Variants in KIF26B observed in about 807,000 individuals in gnomAD.
KIF26B encodes the protein kinesin family member 26B.
A neutral mutation model predicts 151.2 loss-of-function variants in KIF26B; 63 were observed. That is an observed-to-expected ratio of 0.42 (90% CI 0.34 to 0.51). KIF26B has a LOEUF of 0.51. Among genes scored for constraint, KIF26B ranks in the 20% least tolerant of loss-of-function variants. The pLI is 0.07. For missense variants in KIF26B, 2,813 were observed against 2,913.6 expected, an observed-to-expected ratio of 0.97 and a Z score of 0.79; for synonymous variants, 1,357 against 1,262.1, an observed-to-expected ratio of 1.08 and a Z score of -1.59.
At chr1:245,492,535 A>C (rs1660429382) in intron 4 of KIF26B, among the ~76,000 whole-genome samples, 1 of 152,228 alleles carries the variant, frequency 6.6e-6, no homozygotes, top group South Asian at 2.1e-4. Flanking sequence ...ACAGTAGTTC[A>C]CATGATATTT....
rs371372720 is a variant in KIF26B at position 245,609,378 on chromosome 1, C to A, written c.1764C>A (p.Gly588=). 5 of 1,609,556 alleles carry A rather than the reference C, an allele frequency of 3.1e-6. No homozygotes were observed. Among genetic ancestry groups the A allele is most frequent in the African/African-American group, 1.3e-5 (1 of 74,864 alleles). Residue 588 remains glycine, a synonymous_variant, in exon 8 of 15, where the codon GGC becomes GGA. Coordinates refer to ENST00000407071, the MANE Select transcript of KIF26B (RefSeq NM_018012.4). ...KLINERKEKT[G]ARFSVRVSAV... ...TAAACGAACGCAAGGAAAAGACCGG[C>A]GCCCGTTTCTCAGTCCGGGTTTCCG...
At chr1:245,387,474 T>G (rs2103020335) in intron 3 of KIF26B, among the ~76,000 whole-genome samples, 1 of 152,278 alleles carries the variant, frequency 6.6e-6, no homozygotes, top group South Asian at 2.1e-4. Context: ...CCAATCTAAC[T>G]CTTGATTCCT....
chr1:245,157,537 G>T (rs1322472338), intron 2 of KIF26B, among the ~76,000 whole-genome samples: 1 of 152,202 alleles, frequency 6.6e-6, no homozygotes, highest in Non-Finnish European at 1.5e-5. Context: ...CTGTGATTTC[G>T]AGTAGGCGTT....
In KIF26B at chr1:245,560,370, G is replaced by A. The variant is rs1437953011; in HGVS notation, c.1350+19420G>A. On this transcript the variant is annotated intron_variant, in intron 5 of 14. Coordinates refer to ENST00000407071, the MANE Select transcript of KIF26B (RefSeq NM_018012.4). This position sits in a 1 kb window ranked among gnomAD's most constrained non-coding sequence, Gnocchi z 4.3. ...AGAGACTTGTTGAGCTATGCGTGGA[G>A]TGCTGCCTGACAGCTTGCTATTTTC... is the stretch of plus-strand genomic sequence containing the variant. 6.6e-6 allele frequency among the ~76,000 whole-genome samples: 1 copy of A among 152,112 alleles called. No homozygotes were observed. Among genetic ancestry groups the A allele is most frequent in the East Asian group, 1.9e-4 (1 of 5,186 alleles).
In KIF26B at chr1:245,516,367, C is replaced by T. The variant is rs1184000949; in HGVS notation, c.1167-24400C>T. Among the ~76,000 whole-genome samples the T allele has an allele frequency of 2.0e-5, 3 of 152,152 alleles. No individual in the cohort carries two copies. Among genetic ancestry groups the T allele is most frequent in the African/African-American group, 7.2e-5 (3 of 41,446 alleles). ...TCCCATGGCCAGTCCTCATGTAGAGCCACAAGATGGCGCAGAGGATGACAT... is the reference window on the plus strand; with the variant it reads ...TCCCATGGCCAGTCCTCATGTAGAGTCACAAGATGGCGCAGAGGATGACAT... On this transcript the variant is annotated intron_variant, in intron 4 of 14. Coordinates refer to ENST00000407071, the MANE Select transcript of KIF26B (RefSeq NM_018012.4). The surrounding 1 kb of genome is among the most constrained non-coding windows in gnomAD (Gnocchi z 4.2).
In KIF26B at chr1:245,690,744, G is replaced by GA. The variant is rs1553306162; in HGVS notation, c.5824+1937_5824+1938insA. Among the ~76,000 whole-genome samples the GA allele has an allele frequency of 4.0e-5, 6 of 151,720 alleles. No homozygotes were observed. The South Asian group carries it at 8.4e-4, about 21-fold the overall frequency. The stretch of plus-strand genomic sequence containing the variant: ...ACCTTGACATCTTTATTTGCCTGGG[G>GA]GGGGGGTATGCTTCAGTCTTTGATA... On this transcript the variant is annotated intron_variant, in intron 12 of 14. Transcript: ENST00000407071.
intron 2 of KIF26B, among the ~76,000 whole-genome samples, chr1:245,157,616 G>C (rs567911500): frequency 3.0e-4 from 46 of 152,200 alleles, no homozygotes; most frequent in Admixed American, 5.2e-4. Context: ...TCATAGGCAA[G>C]GGTTAAATTC....
At chr1:245,362,842 G>T (rs1411243226) in intron 2 of KIF26B, among the ~76,000 whole-genome samples, 1 of 152,192 alleles carries the variant, frequency 6.6e-6, no homozygotes, top group African/African-American at 2.4e-5. Context: ...ATATATTCCT[G>T]AAAGATAAGA....
At chr1:245,586,577 C>T (rs2043227024) in intron 5 of KIF26B, among the ~76,000 whole-genome samples, 1 of 152,170 alleles carries the variant, frequency 6.6e-6, no homozygotes, top group Admixed American at 6.5e-5. Flanking sequence ...CTCCTCCACC[C>T]TCAACTACAG....
intron 4 of KIF26B, among the ~76,000 whole-genome samples, chr1:245,505,016 G>A (rs6428928): frequency 0.25 from 37,411 of 151,824 alleles, 4,874 homozygotes; most frequent in Middle Eastern, 0.38. Flanking sequence ...TTGGCTCACT[G>A]CAACCTCCGC....
At position 245,699,959 on chromosome 1, in the gene KIF26B, A is replaced by AAAGT. The variant is rs148566229; in HGVS notation, c.6178+923_6178+926dup. On this transcript the variant is annotated intron_variant, in intron 14 of 14. Transcript: ENST00000407071. ...ATGGTCCTGGGTGAAGGTGCGGAAG[A>AAAGT]AAGTGGCAGGACTTGTCAGCCTCCC... is the stretch of plus-strand genomic sequence containing the variant. 8.2e-3 allele frequency among the ~76,000 whole-genome samples: 1,248 copies of AAAGT among 152,360 alleles called. 45 individuals are homozygous for AAAGT. In the East Asian group the frequency reaches 0.11, roughly 14 times the overall value.
At chr1:245,627,914 TC>T (rs1298138466) in intron 9 of KIF26B, among the ~76,000 whole-genome samples, 1 of 152,020 alleles carries the variant, frequency 6.6e-6, no homozygotes, top group Non-Finnish European at 1.5e-5. Flanking sequence ...ACATACACCC[TC>T]CCAAGACTAA....
intron 2 of KIF26B, among the ~76,000 whole-genome samples, chr1:245,356,428 C>G (rs778360405): frequency 5.6e-4 from 85 of 151,984 alleles, no homozygotes; most frequent in Non-Finnish European, 9.6e-4. Context: ...TGGTGGCGGG[C>G]GCCTGTGATC....
At chr1:245,398,143 A>G (rs1379735304) in intron 3 of KIF26B, among the ~76,000 whole-genome samples, 1 of 152,138 alleles carries the variant, frequency 6.6e-6, no homozygotes, top group Non-Finnish European at 1.5e-5. Flanking sequence ...GTTTGGCTCT[A>G]CTGTGCTTCC....
At chr1:245,565,007 G>A (rs1364814148) in intron 5 of KIF26B, among the ~76,000 whole-genome samples, 1 of 152,158 alleles carries the variant, frequency 6.6e-6, no homozygotes, top group African/African-American at 2.4e-5. Flanking sequence ...GGGGGTTAGG[G>A]AGCCCTGCTC....
intron 4 of KIF26B, among the ~76,000 whole-genome samples, chr1:245,421,262 GCTGA>G (rs1558159321): frequency 1.3e-5 from 2 of 152,170 alleles, no homozygotes; most frequent in East Asian, 1.9e-4. Flanking sequence ...TTCAAAGGAG[GCTGA>G]CTAAGAAGCC....
intron 2 of KIF26B, among the ~76,000 whole-genome samples, chr1:245,297,404 A>G (rs1052285154): frequency 1.3e-5 from 2 of 152,238 alleles, no homozygotes; most frequent in Non-Finnish European, 2.9e-5. Context: ...ACTGAAATTC[A>G]GAGAGGCCAG....
intron 14 of KIF26B, among the ~76,000 whole-genome samples, chr1:245,700,644 TAAAAATA>T (rs2044757869): frequency 1.3e-5 from 2 of 151,506 alleles, no homozygotes; most frequent in Middle Eastern, 3.4e-3. Flanking sequence ...GTCTCAAAAA[TAAAAATA>T]AAAAACAGGA....
At position 245,681,505 on chromosome 1, in the gene KIF26B, G is replaced by A. The variant is rs557571715; in HGVS notation, c.2259-2728G>A. Among the ~76,000 whole-genome samples, 191 of 152,256 alleles carry A rather than the reference G, an allele frequency of 1.3e-3. 1 individual carries two copies. Among genetic ancestry groups the A allele is most frequent in the Non-Finnish European group, 1.4e-3 (92 of 68,018 alleles). On this transcript the variant is annotated intron_variant, in intron 10 of 14. Transcript: ENST00000407071. ...ATTACAGGCATGAGCCACCGCGCCC[G>A]GCCGGTCTTTGGTATGTTTTCTTGG...
Sources: allele counts gnomAD v4.1 joint callset (sites outside exome capture counted in the v4.1 genomes callset), GRCh38; gene constraint gnomAD v4.1.1; non-coding constraint Gnocchi (gnomAD v3.1); transcripts MANE v1.5; gene names NCBI Gene and HGNC (gene_info 2026-07-23, HGNC 2026-07-21).